Variants in MCC observed in about 807,000 individuals in gnomAD.
The protein encoded by MCC is MCC regulator of Wnt signaling pathway.
In MCC, 90 loss-of-function variants were observed where a neutral mutation model predicts 116.2. The observed-to-expected ratio is 0.77, with a 90% CI of 0.65 to 0.92. The LOEUF (loss-of-function observed/expected upper bound fraction) is 0.92, where lower values mean the gene tolerates loss of function less well. Ranked by LOEUF, MCC falls within the 40% of genes least tolerant of loss-of-function variation. The pLI, the probability that MCC is intolerant of heterozygous loss-of-function variation, is 0.00. For missense variants in MCC, 1,516 were observed against 1,312.2 expected (o/e 1.16, Z -2.40); for synonymous variants, 578 against 510.5 (o/e 1.13, Z -1.78).
At chr5:113,375,592 T>G (rs1394088069) in intron 2 of MCC, among the ~76,000 whole-genome samples, 1 of 152,170 alleles carries the variant, frequency 6.6e-6, no homozygotes, top group Non-Finnish European at 1.5e-5. Context: ...GTGACTATAG[T>G]CATCTGGTAG....
intron 1 of MCC, among the ~76,000 whole-genome samples, chr5:113,406,242 A>G (rs1464734476): frequency 6.6e-6 from 1 of 152,216 alleles, no homozygotes; most frequent in African/African-American, 2.4e-5. Flanking sequence ...CTTCTCTGTA[A>G]TTTACATTCT....
intron 2 of MCC, among the ~76,000 whole-genome samples, chr5:113,369,146 G>T (rs368701404): frequency 6.6e-6 from 1 of 151,888 alleles, no homozygotes; most frequent in African/African-American, 2.4e-5. Context: ...CATTACATAG[G>T]CATGATTGAT....
In MCC at chr5:113,059,224, G is replaced by A. The variant is rs78820374; in HGVS notation, c.2213+4760C>T. On this transcript the variant is annotated intron_variant, in intron 14 of 18. Transcript: ENST00000408903. ...CACAGAGCTTTAAAATGCTTTTAGT[G>A]GAGAAAGTTTAATTTCAAGATAAAC... is the stretch of plus-strand genomic sequence containing the variant. 8.1e-3 allele frequency among the ~76,000 whole-genome samples: 1,237 copies of A among 152,254 alleles called. 13 individuals carry two copies. Among genetic ancestry groups the A allele is most frequent in the African/African-American group, 0.028 (1,146 of 41,552 alleles).
chr5:113,470,541 C>G (rs183925426), intron 1 of MCC, among the ~76,000 whole-genome samples: 1 of 152,100 alleles, frequency 6.6e-6, no homozygotes, highest in African/African-American at 2.4e-5. Flanking sequence ...GAGTTTCTGC[C>G]GAGAGATCAG....
intron 1 of MCC, among the ~76,000 whole-genome samples, chr5:113,457,151 G>A (rs1043095601): frequency 4.6e-5 from 7 of 152,228 alleles, no homozygotes; most frequent in African/African-American, 1.4e-4. Flanking sequence ...GGAGGGAGAG[G>A]CGGGAGCGGG....
At chr5:113,268,228 C>T (rs1339589587) in intron 3 of MCC, among the ~76,000 whole-genome samples, 1 of 152,200 alleles carries the variant, frequency 6.6e-6, no homozygotes, top group Non-Finnish European at 1.5e-5. Flanking sequence ...TATACCACTT[C>T]CCTGCTAAAA....
intron 1 of MCC, among the ~76,000 whole-genome samples, chr5:113,484,561 A>C (rs2150437369): frequency 6.6e-6 from 1 of 152,324 alleles, no homozygotes; most frequent in East Asian, 1.9e-4. Flanking sequence ...TGGAATTATA[A>C]GTTGTAAAGG....
chr5:113,397,124 T>A (rs540088067), intron 1 of MCC, among the ~76,000 whole-genome samples: 2 of 152,214 alleles, frequency 1.3e-5, no homozygotes, highest in Non-Finnish European at 2.9e-5. Flanking sequence ...ACACATGTGA[T>A]AATAACATGA....
At chr5:113,207,839 A>G (rs142507480) in intron 3 of MCC, among the ~76,000 whole-genome samples, 151 of 152,326 alleles carry the variant, frequency 9.9e-4, no homozygotes, top group Admixed American at 5.8e-3. Flanking sequence ...CTTTGGTAAC[A>G]AAGTGAAAAG....
intron 3 of MCC, among the ~76,000 whole-genome samples, chr5:113,322,121 C>T (rs188940810): frequency 1.1e-3 from 166 of 152,246 alleles, no homozygotes; most frequent in Admixed American, 2.8e-3. Flanking sequence ...CATGAGCCAC[C>T]GCACCTGGCC....
At chr5:113,146,713 A>G (rs1487410931) in intron 4 of MCC, among the ~76,000 whole-genome samples, 1 of 152,280 alleles carries the variant, frequency 6.6e-6, no homozygotes, top group East Asian at 1.9e-4. Flanking sequence ...TTCTACTACA[A>G]CTTGTAAGTT....
rs535117526 is a variant in MCC at position 113,169,062 on chromosome 5, T to C, written c.628-17640A>G. 3.3e-5 allele frequency among the ~76,000 whole-genome samples: 5 copies of C among 152,084 alleles called. No individual in the cohort carries two copies. The South Asian group carries it at 1.0e-3, about 32-fold the overall frequency. On this transcript the variant is annotated intron_variant, in intron 3 of 18. Coordinates refer to ENST00000408903, the MANE Select transcript of MCC (RefSeq NM_001085377.2). ...CCAGCCCCAGAGCACCCTGAATGCCTCCCTTAAAGAAATCTTGAAACTCCC... is the reference window on the plus strand; with the variant it reads ...CCAGCCCCAGAGCACCCTGAATGCCCCCCTTAAAGAAATCTTGAAACTCCC...
At chr5:113,450,272 C>T (rs1001474937) in intron 1 of MCC, among the ~76,000 whole-genome samples, 5 of 152,156 alleles carry the variant, frequency 3.3e-5, no homozygotes. Flanking sequence ...TTAATTTAAG[C>T]CTAGAGAATG....
At chr5:113,099,771 G>T (rs771136795) in intron 8 of MCC, among the ~76,000 whole-genome samples, 11 of 152,168 alleles carry the variant, frequency 7.2e-5, no homozygotes, top group Non-Finnish European at 1.6e-4. Context: ...GGAAAGTGGG[G>T]AAGGGGACTT....
At position 113,027,286 on chromosome 5, in the gene MCC, G is replaced by A. The variant is rs191547853; in HGVS notation, c.*16C>T. 29 of 1,612,858 alleles carry A rather than the reference G, an allele frequency of 1.8e-5. No individual in the cohort carries two copies. Among genetic ancestry groups the A allele is most frequent in the Admixed American group, 5.0e-5 (3 of 59,952 alleles). Reference sequence around the variant, plus strand: ...GTTTACTTCCCATGGGCAGAACTCCGGTGCGTGAGTGCTGATTAAAGCGAA... The same window carrying A: ...GTTTACTTCCCATGGGCAGAACTCCAGTGCGTGAGTGCTGATTAAAGCGAA... On this transcript the variant is annotated 3_prime_UTR_variant, in exon 19 of 19. Transcript: ENST00000408903.
intron 3 of MCC, among the ~76,000 whole-genome samples, chr5:113,243,720 A>G (rs1489028050): frequency 6.6e-6 from 1 of 152,222 alleles, no homozygotes; most frequent in Non-Finnish European, 1.5e-5. Context: ...TGCCTCCTGA[A>G]CGAAGTTAGC....
chr5:113,028,221 C>CA (rs1750702422), intron 18 of MCC, among the ~76,000 whole-genome samples: 1 of 152,168 alleles, frequency 6.6e-6, no homozygotes, highest in Non-Finnish European at 1.5e-5. Context: ...TGGATGATGC[C>CA]AGGTGTTCTC....
chr5:113,250,145 T>G (rs574148591), intron 3 of MCC, among the ~76,000 whole-genome samples: 6 of 152,314 alleles, frequency 3.9e-5, no homozygotes, highest in African/African-American at 1.4e-4. Context: ...CAGCAGGAGT[T>G]GAAGATGGTC....
At position 113,043,393 on chromosome 5, in the gene MCC, C is replaced by G. The variant is rs891666425; in HGVS notation, c.2756+137G>C. The G allele has an allele frequency of 1.0e-5, 8 of 775,260 alleles. No individual in the cohort carries two copies. The African/African-American group carries it at 1.2e-4, about 12-fold the overall frequency. 48.0% of individuals were successfully genotyped at this position (775,260 alleles called of 1,614,324 possible). On this transcript the variant is annotated intron_variant, in intron 17 of 18. Coordinates refer to ENST00000408903, the MANE Select transcript of MCC (RefSeq NM_001085377.2). ...GAAAGGCCTGGCACCAACAGGCCTT[C>G]TCCATTTCTGGCTTCCAAGACATGG...
Sources: gnomAD v4.1 joint callset for allele counts (sites outside exome capture counted in the v4.1 genomes callset) on GRCh38, gnomAD v4.1.1 for gene constraint, MANE v1.5 for transcripts, NCBI Gene and HGNC (gene_info 2026-07-23, HGNC 2026-07-21) for gene names.